The following GLE1 variants were observed in gnomAD, a reference collection of about 807,000 sequenced individuals.
The protein encoded by GLE1 is mRNA export factor GLE1.
GLE1 carries 78 observed loss-of-function variants against 97.3 expected under a neutral mutation model. The observed-to-expected ratio is 0.80, with a 90% CI of 0.67 to 0.97. The LOEUF is 0.97. Ranked by LOEUF, GLE1 falls within the 50% of genes least tolerant of loss-of-function variation. GLE1 has a pLI of 0.00. For synonymous variants in GLE1, 302 were observed against 313.4 expected (o/e 0.96, Z 0.39); for missense variants, 753 against 857.5 (o/e 0.88, Z 1.52).
At chr9:128,523,190 G>C in intron 4 of GLE1, 90 bp from the exon 5 acceptor site, 1 of 960,550 alleles carries the variant, frequency 1.0e-6, no homozygotes, top group Non-Finnish European at 1.7e-6. Context: ...AGGAAGGGAA[G>C]GGAGGGCAGG....
In GLE1 at chr9:128,525,384, C is replaced by T; in HGVS notation, c.1090C>T (p.Pro364Ser). The T allele has an allele frequency of 6.2e-7, 1 of 1,610,816 alleles. No individual in the cohort carries two copies. Among genetic ancestry groups the T allele is most frequent in the Non-Finnish European group, 8.5e-7 (1 of 1,178,518 alleles). ...GGGACCAGAGGCCCACAAAGAGCCCCCAGCTCCCAGCCAGGGCCCAGGAGG... is the reference window on the plus strand; with the variant it reads ...GGGACCAGAGGCCCACAAAGAGCCCTCAGCTCCCAGCCAGGGCCCAGGAGG... Reference protein sequence around the residue: ...QQGPEAHKEPPAPSQGPGGKQ... With the variant: ...QQGPEAHKEPSAPSQGPGGKQ... The change falls in exon 7 of 16, where the codon CCA becomes TCA. Residue 364 changes from proline (P) to serine (S), a missense_variant. Transcript: ENST00000309971.
intron 1 of GLE1, among the ~76,000 whole-genome samples, chr9:128,505,243 C>A (rs771494942): frequency 6.6e-6 from 1 of 152,182 alleles, no homozygotes; most frequent in African/African-American, 2.4e-5. Flanking sequence ...GCTGGGAGCT[C>A]TAGAGTTTGC....
intron 8 of GLE1, 58 bp from the exon 9 acceptor site, chr9:128,527,398 T>G: frequency 1.5e-6 from 2 of 1,336,222 alleles, no homozygotes; most frequent in Middle Eastern, 3.6e-4. Flanking sequence ...TACCTGATTC[T>G]AAGTGACATC....
At chr9:128,509,940 C>A (rs1846756281) in intron 2 of GLE1, among the ~76,000 whole-genome samples, 1 of 150,326 alleles carries the variant, frequency 6.7e-6, no homozygotes, top group Non-Finnish European at 1.5e-5. Flanking sequence ...GCCTAGGCAA[C>A]AGAGTGAGTC....
intron 9 of GLE1, among the ~76,000 whole-genome samples, chr9:128,528,624 G>T (rs1847383474): frequency 6.6e-6 from 1 of 152,154 alleles, no homozygotes; most frequent in South Asian, 2.1e-4. Context: ...TTTTTAACAA[G>T]CTACCTTTTA....
chr9:128,535,832 C>T (rs1420340690), intron 11 of GLE1, among the ~76,000 whole-genome samples: 3 of 151,768 alleles, frequency 2.0e-5, no homozygotes, highest in African/African-American at 4.8e-5. Context: ...AAAAATTAGC[C>T]GGCTATGGTG....
rs144848516 is a variant in GLE1, at chr9:128,510,252, G to A, written c.321+1155G>A. On this transcript the variant is annotated intron_variant, in intron 2 of 15. Transcript: ENST00000309971. ...TCTTTTTCTTTTTTTTTTTTGAGACGGAGTCTTGCTCTGTCCCCCAGGCTG... is the reference window on the plus strand; with the variant it reads ...TCTTTTTCTTTTTTTTTTTTGAGACAGAGTCTTGCTCTGTCCCCCAGGCTG... 7.1e-3 allele frequency among the ~76,000 whole-genome samples: 1,062 copies of A among 150,162 alleles called. 21 individuals are homozygous for A. The highest frequency in any genetic ancestry group is 0.025 in the African/African-American group (1,016 of 41,002).
chr9:128,526,000 TTTGTTGTTGTTG>T (rs542525999), intron 7 of GLE1, among the ~76,000 whole-genome samples: 18 of 151,940 alleles, frequency 1.2e-4, no homozygotes, highest in African/African-American at 4.3e-4. Flanking sequence ...GAGTCTGGTT[TTTGTTGTTGTTG>T]TTGTTGTTGT....
chr9:128,541,745 C>T lies in GLE1; in HGVS notation c.*575C>T, dbSNP rs551692530. The T allele has an allele frequency of 6.5e-6, 1 of 152,928 alleles. No homozygotes were observed. The highest frequency in any genetic ancestry group is 2.4e-5 in the African/African-American group (1 of 41,416). The allele number at this position is 152,928 out of a possible 1,614,324, so 9.5% of individuals were successfully genotyped here. A position where few individuals can be genotyped will look rare whatever the true frequency, so the allele number is the denominator to read the frequency against. On this transcript the variant is annotated 3_prime_UTR_variant, in exon 16 of 16. Transcript: ENST00000309971. ...TACACATGGACTAAGGCTCAGGTGA[C>T]ACTATGGCTAGATTAACATCTGGGA... is the stretch of plus-strand genomic sequence containing the variant.
intron 3 of GLE1, 104 bp downstream of exon 3, chr9:128,515,743 A>G: frequency 1.4e-6 from 1 of 719,198 alleles, no homozygotes. Context: ...CATCCTTCCC[A>G]CCTACTGTTT....
chr9:128,541,276 T>C lies in GLE1; in HGVS notation c.*106T>C. The C allele has an allele frequency of 1.3e-6, 1 of 766,542 alleles. No homozygotes were observed. The highest frequency in any genetic ancestry group is 1.4e-5 in the South Asian group (1 of 72,324). The allele number at this position is 766,542 out of a possible 1,614,324, so 47.5% of individuals were successfully genotyped here. A position where few individuals can be genotyped will look rare whatever the true frequency, so the allele number is the denominator to read the frequency against. ...TCATGTCAGATTCAGAAATTTGCCATTATGTATTTTTATGTATTTATGCCT... is the reference window on the plus strand; with the variant it reads ...TCATGTCAGATTCAGAAATTTGCCACTATGTATTTTTATGTATTTATGCCT... On this transcript the variant is annotated 3_prime_UTR_variant, in exon 16 of 16. Coordinates refer to ENST00000309971, the MANE Select transcript of GLE1 (RefSeq NM_001003722.2).
At chr9:128,532,713 T>A (rs1185410114) in intron 9 of GLE1, 1 of 958,632 alleles carries the variant, frequency 1.0e-6, no homozygotes, top group Non-Finnish European at 1.2e-6. Context: ...CCACTGCTTG[T>A]GAGTGTATGT....
At chr9:128,537,838 T>G (rs2132530534) in intron 12 of GLE1, 148 bp from the exon 13 acceptor site, 3 of 683,280 alleles carry the variant, frequency 4.4e-6, no homozygotes, top group South Asian at 3.1e-5. Context: ...CAGAATTTGT[T>G]TAGTTTGTGT....
chr9:128,511,185 C>T (rs1420702503), intron 2 of GLE1, among the ~76,000 whole-genome samples: 4 of 150,276 alleles, frequency 2.7e-5, no homozygotes, highest in East Asian at 3.9e-4. Context: ...GCCTGGGTAA[C>T]GGAGCAAGAC....
intron 1 of GLE1, among the ~76,000 whole-genome samples, chr9:128,507,585 C>CAAA (rs373872187): frequency 2.0e-4 from 15 of 75,162 alleles, no homozygotes; most frequent in African/African-American, 6.0e-4. Context: ...GCCTGTCTCT[C>CAAA]AAAAAAAAAA....
In GLE1 at chr9:128,533,756, C is replaced by G; in HGVS notation, c.1456-5C>G. ...TTAAAATTGTACCCACCTCTATGTT[C>G]TCAGAAACAAGGCGAGGAGGAAGTG... On this transcript the variant is annotated splice_region_variant and splice_polypyrimidine_tract_variant and intron_variant, in intron 10 of 15. Coordinates refer to ENST00000309971, the MANE Select transcript of GLE1 (RefSeq NM_001003722.2). The G allele has an allele frequency of 6.2e-7, 1 of 1,613,958 alleles. No homozygotes were observed. Among genetic ancestry groups the G allele is most frequent in the Non-Finnish European group, 8.5e-7 (1 of 1,179,806 alleles).
At position 128,525,571 on chromosome 9, in the gene GLE1, G is replaced by A. The variant is rs1847278129; in HGVS notation, c.1129+148G>A. 5.8e-6 allele frequency: 4 copies of A among 684,976 alleles called. No homozygotes were observed. The Admixed American group carries it at 8.7e-5, about 15-fold the overall frequency. The allele number at this position is 684,976 out of a possible 1,614,324, so 42.4% of individuals were successfully genotyped here. ...TTCATTCAGTTTTGGTTGATGTAGA[G>A]TCTGATTTACGATTCCAACACTTTG... On this transcript the variant is annotated intron_variant, in intron 7 of 15. Transcript: ENST00000309971.
chr9:128,511,536 T>G (rs1018904014), intron 2 of GLE1, among the ~76,000 whole-genome samples: 2 of 150,668 alleles, frequency 1.3e-5, no homozygotes, highest in African/African-American at 4.9e-5. Context: ...TCAAACCCCT[T>G]CTCTACTAAA....
At chr9:128,527,313 G>A (rs1403141360) in intron 8 of GLE1, 22 bp downstream of exon 8, 2 of 1,422,418 alleles carry the variant, frequency 1.4e-6, no homozygotes, top group Non-Finnish European at 1.0e-6. Flanking sequence ...GTATATGGCA[G>A]TAATTTTGTG....
Sources: gnomAD v4.1 joint callset for allele counts (sites outside exome capture counted in the v4.1 genomes callset) on GRCh38, gnomAD v4.1.1 for gene constraint, MANE v1.5 for transcripts, NCBI Gene and HGNC (gene_info 2026-07-23, HGNC 2026-07-21) for gene names.